TRIM23: variants seen among roughly 807,000 people sequenced by gnomAD.
The protein encoded by TRIM23 is E3 ubiquitin-protein ligase TRIM23.
A neutral mutation model predicts 71.0 loss-of-function variants in TRIM23; 27 were observed. The ratio of observed to expected loss-of-function variants is 0.38; its 90% CI spans 0.28 to 0.52. TRIM23 has a LOEUF of 0.52. Among genes scored for constraint, TRIM23 ranks in the 20% least tolerant of loss-of-function variants. TRIM23 has a pLI of 0.84. For synonymous variants in TRIM23, 234 were observed against 238.0 expected, an observed-to-expected ratio of 0.98 and a Z score of 0.16; for missense variants, 482 against 692.3, an observed-to-expected ratio of 0.70 and a Z score of 3.41.
In TRIM23 at chr5:65,594,665, AAAAAC is replaced by A. The variant is rs1369654315; in HGVS notation, c.1421-25_1421-21del. On this transcript the variant is annotated intron_variant, in intron 9 of 10. Transcript: ENST00000231524. ...CAACAGCTACCCAAAAAAAAATAAA[AAAAAC>A]AAAAATAGTCACTTGCTAAAGTTCA... is the stretch of plus-strand genomic sequence containing the variant. 25 of 1,537,566 alleles carry A rather than the reference AAAAAC, an allele frequency of 1.6e-5. No homozygotes were observed. Among genetic ancestry groups the A allele is most frequent in the Non-Finnish European group, 2.1e-5 (24 of 1,146,952 alleles).
At chr5:65,614,438 A>C (rs1361776494) in intron 2 of TRIM23, among the ~76,000 whole-genome samples, 1 of 152,184 alleles carries the variant, frequency 6.6e-6, no homozygotes, top group Non-Finnish European at 1.5e-5. Flanking sequence ...CACACTTTAA[A>C]ATTTATTATT....
At chr5:65,616,503 G>A (rs559066728) in intron 2 of TRIM23, among the ~76,000 whole-genome samples, 40 of 151,714 alleles carry the variant, frequency 2.6e-4, no homozygotes, top group Admixed American at 1.6e-3. Flanking sequence ...TTAGTCAGGC[G>A]TGGTGGCAGG....
chr5:65,610,909 T>A lies in TRIM23; in HGVS notation c.780A>T (p.Gly260=), dbSNP rs1203666394. The A allele has an allele frequency of 6.2e-7, 1 of 1,613,398 alleles. No individual in the cohort carries two copies. Among genetic ancestry groups the A allele is most frequent in the Non-Finnish European group, 8.5e-7 (1 of 1,179,798 alleles). Residue 260 remains glycine (G), a synonymous_variant, in exon 5 of 11, where the codon GGA becomes GGT. Coordinates refer to ENST00000231524, the MANE Select transcript of TRIM23 (RefSeq NM_001656.4). ...TTCCATCTTCCACGATTTGTTCTCCTCCTTCAATGTGCTGCACAATTCCAA... is the reference window on the plus strand; with the variant it reads ...TTCCATCTTCCACGATTTGTTCTCCACCTTCAATGTGCTGCACAATTCCAA... ...KLVGIVQHIE[G]GEQIVEDGIG... is the part of the protein sequence containing the mutation.
intron 4 of TRIM23, 70 bp from the exon 5 acceptor site, chr5:65,611,113 TC>T (rs1207286007): frequency 2.3e-5 from 31 of 1,354,802 alleles, no homozygotes; most frequent in Admixed American, 6.1e-5. Context: ...ACTATTTAAA[TC>T]CCTATTAATA....
chr5:65,617,689 A>T (rs1754811803), intron 2 of TRIM23, among the ~76,000 whole-genome samples: 1 of 152,220 alleles, frequency 6.6e-6, no homozygotes, highest in Non-Finnish European at 1.5e-5. Flanking sequence ...TAGTAAATAA[A>T]AACATGGTGA....
Position 65,591,448 on chromosome 5 carries a change from C to T in TRIM23, c.*321G>A. ...ACTGAAAGAATAAACCTTCACTTAC[C>T]CTTTCTCTGTGACTACCTCTTTCCC... On this transcript the variant is annotated 3_prime_UTR_variant, in exon 11 of 11. Transcript: ENST00000231524. 1 of 1,594,714 alleles carries T rather than the reference C, an allele frequency of 6.3e-7. No individual in the cohort carries two copies. The highest frequency in any genetic ancestry group is 1.1e-5 in the South Asian group (1 of 87,194).
intron 5 of TRIM23, among the ~76,000 whole-genome samples, chr5:65,610,150 T>C (rs965597045): frequency 5.3e-5 from 8 of 152,232 alleles, no homozygotes; most frequent in African/African-American, 9.6e-5. Context: ...TAGTGTATTA[T>C]AGGCCATAAA....
At chr5:65,616,150 G>C (rs77918874) in intron 2 of TRIM23, among the ~76,000 whole-genome samples, 28,955 of 152,136 alleles carry the variant, frequency 0.19, 3,406 homozygotes, top group South Asian at 0.32. Flanking sequence ...AGAAAATCAG[G>C]AATATTGCTG....
At chr5:65,615,412 T>C (rs1754753078) in intron 2 of TRIM23, among the ~76,000 whole-genome samples, 1 of 152,160 alleles carries the variant, frequency 6.6e-6, no homozygotes, top group African/African-American at 2.4e-5. Context: ...GGTAAACTCC[T>C]ATGCAACAAA....
Position 65,590,499 on chromosome 5 carries a change from C to A in TRIM23, c.*1270G>T. On this transcript the variant is annotated 3_prime_UTR_variant, in exon 11 of 11. Transcript: ENST00000231524. ...AGACATCACTGTCCTTACAACAATT[C>A]AACTAATAAGATTTAAGATTTAACT... 4 of 1,170,396 alleles carry A rather than the reference C, an allele frequency of 3.4e-6. No individual in the cohort carries two copies. Among genetic ancestry groups the A allele is most frequent in the East Asian group, 4.0e-5 (1 of 24,924 alleles). The allele number at this position is 1,170,396 out of a possible 1,614,324, so 72.5% of individuals were successfully genotyped here. A position where few individuals can be genotyped will look rare whatever the true frequency, so the allele number is the denominator to read the frequency against.
chr5:65,621,838 T>A (rs75179968), intron 1 of TRIM23, among the ~76,000 whole-genome samples: 39,957 of 151,408 alleles, frequency 0.26, 5,877 homozygotes, highest in South Asian at 0.35. Context: ...TATTATTATT[T>A]TTTTTTTGAG....
At chr5:65,597,310 C>A in intron 7 of TRIM23, 130 bp from the exon 8 acceptor site, 1 of 1,000,444 alleles carries the variant, frequency 1.0e-6, no homozygotes. Flanking sequence ...CCTCAAAATA[C>A]TGAGTCTGAT....
At chr5:65,594,842 C>A (rs1217329199) in intron 9 of TRIM23, among the ~76,000 whole-genome samples, 197 bp from the exon 10 acceptor site, 4 of 152,144 alleles carry the variant, frequency 2.6e-5, no homozygotes, top group Non-Finnish European at 5.9e-5. Flanking sequence ...TACATAACTT[C>A]TCAGGTTTAG....
At chr5:65,599,922 T>C (rs1194237637) in intron 7 of TRIM23, among the ~76,000 whole-genome samples, 1 of 152,220 alleles carries the variant, frequency 6.6e-6, no homozygotes, top group Non-Finnish European at 1.5e-5. Flanking sequence ...AAAAGTTTAA[T>C]TGGCTCACAG....
rs34809421 is a variant in TRIM23 at position 65,600,622 on chromosome 5, TA to T, written c.1180-3443del. Among the ~76,000 whole-genome samples the T allele has an allele frequency of 9.6e-3, 978 of 102,308 alleles. 10 individuals carry two copies. The highest frequency in any genetic ancestry group is 0.026 in the African/African-American group (728 of 28,144). The allele number at this position is 102,308 out of a possible 152,430, so 67.1% of individuals were successfully genotyped here. On this transcript the variant is annotated intron_variant, in intron 7 of 10. Transcript: ENST00000231524. Reference sequence around the variant, plus strand: ...CTTCAGGGATACACGAAAAGCACAGTAAAAAAAAAAAAAAAAAAGCAAAAAT... The same window carrying T: ...CTTCAGGGATACACGAAAAGCACAGTAAAAAAAAAAAAAAAAAGCAAAAAT...
At chr5:65,617,490 TG>T (rs1436472317) in intron 2 of TRIM23, among the ~76,000 whole-genome samples, 3 of 152,192 alleles carry the variant, frequency 2.0e-5, no homozygotes, top group African/African-American at 7.2e-5. Context: ...GTAAAATAAC[TG>T]TTCAAATGTT....
rs138751292 is a variant in TRIM23 at position 65,591,898 on chromosome 5, G to A, written c.1596C>T (p.Leu532=). ...SVEEITELLS[L]HKLCCGRSWY... ...AGCTACGGCCACAGCATAATTTATG[G>A]AGACTGAGTAGTTCAGTGATTTCTT... The change falls in exon 11 of 11, where the codon CTC becomes CTT. Residue 532 remains leucine (L), a synonymous_variant. Transcript: ENST00000231524. 96 of 1,613,838 alleles carry A rather than the reference G, an allele frequency of 5.9e-5. No individual in the cohort carries two copies. In the African/African-American group the frequency reaches 1.2e-3, roughly 20 times the overall value.
At chr5:65,608,431 A>T (rs1443894319) in intron 6 of TRIM23, among the ~76,000 whole-genome samples, 3 of 152,234 alleles carry the variant, frequency 2.0e-5, no homozygotes, top group African/African-American at 7.2e-5. Flanking sequence ...CCCAAGACTG[A>T]TGAGGCTATA....
Position 65,611,028 on chromosome 5 carries a change from G to A in TRIM23, c.661C>T (p.Pro221Ser). 2 of 1,611,998 alleles carry A rather than the reference G, an allele frequency of 1.2e-6. No individual in the cohort carries two copies. Among genetic ancestry groups the A allele is most frequent in the Non-Finnish European group, 1.7e-6 (2 of 1,179,456 alleles). ...HQGHKHSVLE[P>S]EANQIRASIL... ...GATGCTCGGATCTGATTAGCTTCTG[G>A]TTCCAATACTGAATGCTATAAAATG... Residue 221 changes from proline (P) to serine (S), a missense_variant, in exon 5 of 11, where the codon CCA (proline) becomes TCA (serine). This residue lies in a region of TRIM23 where 307 missense variants were observed against 495.8 expected (regional missense o/e 0.62). Transcript: ENST00000231524.
Sources: allele counts gnomAD v4.1 joint callset (sites outside exome capture counted in the v4.1 genomes callset), GRCh38; gene constraint gnomAD v4.1.1; regional missense constraint gnomAD v4.1.1; transcripts MANE v1.5; gene names NCBI Gene and HGNC (gene_info 2026-07-23, HGNC 2026-07-21).